Variants in ROBO2 observed in about 807,000 individuals in gnomAD.
ROBO2 encodes the protein roundabout guidance receptor 2, also known as roundabout homolog 2.
ROBO2 carries 53 observed loss-of-function variants against 160.8 expected under a neutral mutation model. The observed-to-expected ratio is 0.33, with a 90% CI of 0.26 to 0.41. The LOEUF (loss-of-function observed/expected upper bound fraction) is 0.41. Ranked by LOEUF, ROBO2 falls within the 10% of genes least tolerant of loss-of-function variation. The pLI is 1.00. For synonymous variants in ROBO2, 664 were observed against 611.7 expected, an observed-to-expected ratio of 1.09 and a Z score of -1.26; for missense variants, 1,577 against 1,722.4, an observed-to-expected ratio of 0.92 and a Z score of 1.49.
chr3:77,478,083 C>T (rs181398528), intron 3 of ROBO2, among the ~76,000 whole-genome samples: 1 of 152,026 alleles, frequency 6.6e-6, no homozygotes, highest in South Asian at 2.1e-4. Flanking sequence ...CCTCAGCCCC[C>T]CAAAGTGCTT....
chr3:77,612,350 C>T (rs764738936), intron 21 of ROBO2, among the ~76,000 whole-genome samples: 4 of 152,200 alleles, frequency 2.6e-5, no homozygotes, highest in Non-Finnish European at 5.9e-5. Context: ...CATCCTTCTT[C>T]GGTAACTGCA....
rs550797598 is a variant in ROBO2 at position 76,570,219 on chromosome 3, C to T, written c.110-527795C>T. Among the ~76,000 whole-genome samples the T allele has an allele frequency of 2.6e-5, 4 of 152,262 alleles. No homozygotes were observed. The South Asian group carries it at 8.3e-4, about 32-fold the overall frequency. On this transcript the variant is annotated intron_variant, in intron 2 of 26. Coordinates refer to the ROBO2 transcript ENST00000487694. ...CTGATAGCCATTGGATAGTTCTGGG[C>T]TCCAATGGAGCTATTGCTTTTTTCC...
At chr3:77,156,378 C>A (rs1396046545) in intron 2 of ROBO2, among the ~76,000 whole-genome samples, 1 of 151,988 alleles carries the variant, frequency 6.6e-6, no homozygotes, top group African/African-American at 2.4e-5. Flanking sequence ...AAATTGATGT[C>A]AATCCCAATT....
At chr3:77,647,776 A>G (rs1162762022) in exon 26 of ROBO2, 1 of 152,136 alleles carries the variant, frequency 6.6e-6, no homozygotes, top group African/African-American at 2.4e-5. Flanking sequence ...TCTTCTAAAA[A>G]TATTCAACGT....
chr3:76,503,829 C>T (rs13094485), intron 2 of ROBO2, among the ~76,000 whole-genome samples: 52,351 of 151,964 alleles, frequency 0.34, 10,196 homozygotes, highest in Non-Finnish European at 0.44. Flanking sequence ...GGTTAAAGTA[C>T]GCAAAATTTA....
chr3:76,934,958 A>ATT (rs151316771), intron 2 of ROBO2, among the ~76,000 whole-genome samples: 1 of 146,730 alleles, frequency 6.8e-6, no homozygotes, highest in Admixed American at 6.7e-5. Flanking sequence ...AGGCTTCACA[A>ATT]ATTTTTTTTT....
chr3:76,039,418 T>G (rs903858155), intron 2 of ROBO2, among the ~76,000 whole-genome samples: 2 of 152,062 alleles, frequency 1.3e-5, no homozygotes, highest in African/African-American at 4.8e-5. Context: ...CATATTCTAC[T>G]TGTTTTCTTG....
intron 2 of ROBO2, among the ~76,000 whole-genome samples, chr3:76,638,593 A>T (rs1459782717): frequency 6.6e-6 from 1 of 152,168 alleles, no homozygotes; most frequent in East Asian, 1.9e-4. Context: ...ATTTTAAATT[A>T]TTGGGTAAAA....
At chr3:76,506,920 G>T (rs576830407) in intron 2 of ROBO2, among the ~76,000 whole-genome samples, 2 of 151,966 alleles carry the variant, frequency 1.3e-5, no homozygotes, top group Non-Finnish European at 2.9e-5. Context: ...TTTTATTTTT[G>T]ACAATCTTAG....
chr3:77,133,964 C>G (rs1325426707), intron 2 of ROBO2, among the ~76,000 whole-genome samples: 1 of 151,978 alleles, frequency 6.6e-6, no homozygotes, highest in Non-Finnish European at 1.5e-5. Flanking sequence ...AAAATTGTAT[C>G]ATAGAAACAT....
At chr3:77,379,320 C>T (rs1325753243) in intron 2 of ROBO2, among the ~76,000 whole-genome samples, 1 of 152,036 alleles carries the variant, frequency 6.6e-6, no homozygotes, top group Non-Finnish European at 1.5e-5. Context: ...TCTGCAATAC[C>T]TTTATATAAA....
At chr3:76,858,052 C>T (rs73125482) in intron 2 of ROBO2, among the ~76,000 whole-genome samples, 15,673 of 151,976 alleles carry the variant, frequency 0.1, 986 homozygotes, top group East Asian at 0.23. Flanking sequence ...TTCCTTATGG[C>T]CCCCATTCCC....
At chr3:76,208,679 T>C (rs916434332) in intron 2 of ROBO2, among the ~76,000 whole-genome samples, 10 of 152,184 alleles carry the variant, frequency 6.6e-5, no homozygotes, top group Non-Finnish European at 1.5e-4. Flanking sequence ...GTTCCTTTAT[T>C]GTTTCCTGTG....
At chr3:76,245,702 A>G (rs550130639) in intron 2 of ROBO2, among the ~76,000 whole-genome samples, 3 of 152,238 alleles carry the variant, frequency 2.0e-5, no homozygotes, top group South Asian at 2.1e-4. Context: ...TAAGCATTAC[A>G]TCTTCTGCTC....
chr3:77,252,831 A>AAAATAT, intron 2 of ROBO2, among the ~76,000 whole-genome samples: 1 of 12,520 alleles, frequency 8.0e-5, no homozygotes. Context: ...AAAAAAAAAA[A>AAAATAT]ATATATATAT....
chr3:77,180,267 C>A (rs2080592499), intron 2 of ROBO2, among the ~76,000 whole-genome samples: 1 of 151,582 alleles, frequency 6.6e-6, no homozygotes, highest in Admixed American at 6.6e-5. Context: ...TCATTTGAAT[C>A]ATTGAATCAA....
At chr3:76,937,265 G>A (rs1245961358) in intron 2 of ROBO2, among the ~76,000 whole-genome samples, 3 of 152,078 alleles carry the variant, frequency 2.0e-5, no homozygotes, top group Non-Finnish European at 4.4e-5. Flanking sequence ...CCTTACATGT[G>A]CCAGATCTGT....
At chr3:77,634,651 G>A in intron 23 of ROBO2, 1 of 545,156 alleles carries the variant, frequency 1.8e-6, no homozygotes. Context: ...ATTTTGAGGG[G>A]GCCAGTGGGG....
At chr3:76,909,818 T>A (rs1252158875) in intron 2 of ROBO2, among the ~76,000 whole-genome samples, 1 of 152,210 alleles carries the variant, frequency 6.6e-6, no homozygotes, top group Non-Finnish European at 1.5e-5. Flanking sequence ...CAGTCATGAT[T>A]TGAGGGGAAA....
Sources: gnomAD v4.1 joint callset for allele counts (sites outside exome capture counted in the v4.1 genomes callset) on GRCh38, gnomAD v4.1.1 for gene constraint, MANE v1.5 for transcripts, NCBI Gene and HGNC (gene_info 2026-07-23, HGNC 2026-07-21) for gene names.